The following INPP5A variants were observed in gnomAD, a reference collection of about 807,000 sequenced individuals.
INPP5A encodes inositol polyphosphate-5-phosphatase A, also known as 43 kDa inositol polyphosphate 5-phophatase.
A neutral mutation model predicts 65.2 loss-of-function variants in INPP5A; 14 were observed. That is an observed-to-expected ratio of 0.21 (90% CI 0.14 to 0.34). INPP5A has a LOEUF of 0.34. Among genes scored for constraint, INPP5A ranks in the 10% least tolerant of loss-of-function variants. The pLI is 1.00. For synonymous variants in INPP5A, 207 were observed against 208.3 expected (o/e 0.99, Z 0.05); for missense variants, 431 against 545.6 (o/e 0.79, Z 2.09).
intron 1 of INPP5A, among the ~76,000 whole-genome samples, chr10:132,579,107 C>T (rs912990977): frequency 6.6e-5 from 10 of 152,198 alleles, no homozygotes; most frequent in South Asian, 2.1e-4. Context: ...TGGTGCGTGC[C>T]GGGCAGCTGT....
intron 9 of INPP5A, among the ~76,000 whole-genome samples, chr10:132,738,542 C>T (rs976303577): frequency 1.3e-5 from 2 of 152,224 alleles, no homozygotes; most frequent in African/African-American, 4.8e-5. Flanking sequence ...CTGGGCCCAG[C>T]AGAGGGTGCC....
intron 11 of INPP5A, among the ~76,000 whole-genome samples, chr10:132,751,561 C>T (rs1367017233): frequency 1.3e-5 from 2 of 152,356 alleles, no homozygotes; most frequent in Admixed American, 6.5e-5. Flanking sequence ...CGCATCCCGG[C>T]CTCGTCAGTG....
chr10:132,708,617 C>T, intron 7 of INPP5A: 1 of 594,276 alleles, frequency 1.7e-6, no homozygotes, highest in Non-Finnish European at 3.2e-6. Context: ...GGCCCCAGTC[C>T]CTCCCCGCAG....
intron 9 of INPP5A, among the ~76,000 whole-genome samples, chr10:132,739,583 T>C (rs1173709366): frequency 1.3e-5 from 2 of 152,204 alleles, no homozygotes; most frequent in African/African-American, 4.8e-5. Flanking sequence ...CCCCCTGATC[T>C]CAGCCACTCC....
intron 9 of INPP5A, among the ~76,000 whole-genome samples, chr10:132,736,901 G>A (rs543548292): frequency 4.6e-5 from 7 of 152,194 alleles, no homozygotes; most frequent in African/African-American, 9.6e-5. Context: ...TCTGGTTACC[G>A]GCTGCCTTGT....
chr10:132,777,870 G>A (rs1425228133), intron 13 of INPP5A, 88 bp downstream of exon 13: 2 of 1,553,606 alleles, frequency 1.3e-6, no homozygotes, highest in Non-Finnish European at 8.7e-7. Flanking sequence ...GGGCCCCAGG[G>A]GTGGGGGCAC....
At chr10:132,730,383 C>A (rs936632467) in intron 9 of INPP5A, among the ~76,000 whole-genome samples, 1 of 152,234 alleles carries the variant, frequency 6.6e-6, no homozygotes, top group African/African-American at 2.4e-5. Context: ...GGCTGGTGGA[C>A]GTGCTGGCCG....
intron 11 of INPP5A, among the ~76,000 whole-genome samples, chr10:132,756,459 A>G (rs1590989419): frequency 9.3e-6 from 1 of 107,406 alleles, no homozygotes; most frequent in Admixed American, 9.1e-5. Context: ...GTTTCAGTCA[A>G]CAACAGACTA....
At chr10:132,757,297 C>T (rs1405648247) in intron 11 of INPP5A, among the ~76,000 whole-genome samples, 14 of 152,266 alleles carry the variant, frequency 9.2e-5, no homozygotes, top group Admixed American at 6.5e-4. Flanking sequence ...CAGCTCACCC[C>T]GAGCCCGTCC....
intron 2 of INPP5A, among the ~76,000 whole-genome samples, chr10:132,633,290 G>A (rs2072298238): frequency 2.0e-5 from 3 of 152,064 alleles, no homozygotes; most frequent in South Asian, 2.1e-4. Flanking sequence ...ACATTTACCC[G>A]GTACATTCTG....
At chr10:132,640,584 C>T (rs1012734382) in intron 2 of INPP5A, among the ~76,000 whole-genome samples, 3 of 152,236 alleles carry the variant, frequency 2.0e-5, no homozygotes, top group African/African-American at 7.2e-5. Context: ...TGACTCCCGG[C>T]GCTGCCTGTC....
intron 6 of INPP5A, among the ~76,000 whole-genome samples, chr10:132,708,031 G>C (rs1025889512): frequency 6.6e-6 from 1 of 152,150 alleles, no homozygotes; most frequent in Non-Finnish European, 1.5e-5. Flanking sequence ...TCTCACATGG[G>C]GGCATGGGGC....
At chr10:132,596,914 CATGTGT>C (rs1564928931) in intron 1 of INPP5A, among the ~76,000 whole-genome samples, 86 of 100,254 alleles carry the variant, frequency 8.6e-4, no homozygotes, top group African/African-American at 2.5e-3. Flanking sequence ...TGCATGTGTG[CATGTGT>C]GCGCGCATGT....
At chr10:132,732,372 T>C (rs142579239) in intron 9 of INPP5A, among the ~76,000 whole-genome samples, 2,705 of 152,342 alleles carry the variant, frequency 0.018, 41 homozygotes, top group South Asian at 0.04. Flanking sequence ...GACAAGTCTT[T>C]CGTTACATTT....
In INPP5A at chr10:132,650,346, C is replaced by A; in HGVS notation, c.219-72C>A. 1 of 994,328 alleles carries A rather than the reference C, an allele frequency of 1.0e-6. No individual in the cohort carries two copies. 61.6% of individuals were successfully genotyped at this position (994,328 alleles called of 1,614,324 possible). ...CCTATGTGCTGGAGCCCCTCTTATA[C>A]CTTGTGGTCATCTCATGAGGTGCAA... On this transcript the variant is annotated intron_variant, in intron 3 of 15. Coordinates refer to ENST00000368594, the MANE Select transcript of INPP5A (RefSeq NM_005539.5). This position sits in a 1 kb window ranked among gnomAD's most constrained non-coding sequence, Gnocchi z 5.5.
intron 2 of INPP5A, among the ~76,000 whole-genome samples, chr10:132,611,575 G>A (rs2071951558): frequency 1.5e-5 from 2 of 136,684 alleles, no homozygotes. Context: ...AAGGGGAGAG[G>A]CCCTGTCAGG....
At chr10:132,623,535 C>T (rs928270196) in intron 2 of INPP5A, among the ~76,000 whole-genome samples, 1 of 151,628 alleles carries the variant, frequency 6.6e-6, no homozygotes, top group Non-Finnish European at 1.5e-5. Context: ...TTAAAAAGTA[C>T]AAAAGTTCTA....
chr10:132,777,475 C>T (rs538235135), intron 12 of INPP5A, among the ~76,000 whole-genome samples, 196 bp from the exon 13 acceptor site: 1 of 152,356 alleles, frequency 6.6e-6, no homozygotes, highest in Admixed American at 6.5e-5. Flanking sequence ...AATTTAGTCT[C>T]ACATAAAAAC....
At chr10:132,548,956 A>C (rs1200387934) in intron 1 of INPP5A, among the ~76,000 whole-genome samples, 1 of 151,956 alleles carries the variant, frequency 6.6e-6, no homozygotes, top group Admixed American at 6.6e-5. Context: ...CCACCATGCC[A>C]GGCTTTTACA....
Sources: gnomAD v4.1 joint callset for allele counts (sites outside exome capture counted in the v4.1 genomes callset) on GRCh38, gnomAD v4.1.1 for gene constraint, Gnocchi (gnomAD v3.1) non-coding constraint, MANE v1.5 for transcripts, NCBI Gene and HGNC (gene_info 2026-07-23, HGNC 2026-07-21) for gene names.